The following TDRD5 variants were observed in gnomAD, a reference collection of about 807,000 sequenced individuals.
TDRD5 encodes the protein tudor domain-containing protein 5.
In TDRD5, 41 loss-of-function variants were observed where a neutral mutation model predicts 120.6. The ratio of observed to expected loss-of-function variants is 0.34; its 90% CI spans 0.26 to 0.44. TDRD5 has a LOEUF of 0.44. Among genes scored for constraint, TDRD5 ranks in the 20% least tolerant of loss-of-function variants. The pLI, the probability that TDRD5 is intolerant of heterozygous loss-of-function variation, is 1.00. For missense variants in TDRD5, 1,006 were observed against 1,221.2 expected (o/e 0.82, Z 2.63); for synonymous variants, 430 against 433.7 (o/e 0.99, Z 0.11).
In TDRD5 at chr1:179,668,351, TCTGA is replaced by T. The variant is rs575442882; in HGVS notation, c.2650-839_2650-836del. On this transcript the variant is annotated intron_variant, in intron 16 of 17. Coordinates refer to ENST00000444136, the MANE Select transcript of TDRD5 (RefSeq NM_001199085.3). ...GTGCCCCTTAGGGACAGGGATCCTG[TCTGA>T]CTGGGAGGTGGTGTGGTAGAGCACA... 1.4e-4 allele frequency among the ~76,000 whole-genome samples: 22 copies of T among 152,304 alleles called. No homozygotes were observed. In the South Asian group the frequency reaches 3.3e-3, roughly 23 times the overall value.
chr1:179,657,229 G>A (rs1679054065), intron 14 of TDRD5, among the ~76,000 whole-genome samples: 1 of 152,138 alleles, frequency 6.6e-6, no homozygotes, highest in Non-Finnish European at 1.5e-5. Context: ...GAGGAAAGTT[G>A]ATGCTTTAGT....
intron 16 of TDRD5, among the ~76,000 whole-genome samples, chr1:179,663,900 A>G (rs1679438705): frequency 6.6e-6 from 1 of 152,322 alleles, no homozygotes; most frequent in South Asian, 2.1e-4. Context: ...CGCATAGTCT[A>G]GACTGGTTTC....
At chr1:179,598,220 A>G (rs529365816) in intron 4 of TDRD5, among the ~76,000 whole-genome samples, 1 of 152,332 alleles carries the variant, frequency 6.6e-6, no homozygotes, top group South Asian at 2.1e-4. Flanking sequence ...ACAGTATTAT[A>G]ATCTTGTGGG....
At chr1:179,622,604 T>A (rs551655798) in intron 6 of TDRD5, among the ~76,000 whole-genome samples, 5 of 152,132 alleles carry the variant, frequency 3.3e-5, no homozygotes, top group Non-Finnish European at 7.4e-5. Flanking sequence ...AAAAACCAAG[T>A]TATTTTCATA....
intron 16 of TDRD5, among the ~76,000 whole-genome samples, chr1:179,665,156 C>T (rs1297404902): frequency 6.6e-6 from 1 of 152,128 alleles, no homozygotes; most frequent in Admixed American, 6.5e-5. Context: ...TATCATATTA[C>T]AAGTCCCTTA....
At chr1:179,653,344 T>C (rs918498987) in intron 13 of TDRD5, among the ~76,000 whole-genome samples, 17 of 152,286 alleles carry the variant, frequency 1.1e-4, no homozygotes, top group Non-Finnish European at 2.2e-4. Context: ...TAAGTAGACA[T>C]TTACTAATTA....
At chr1:179,660,976 C>T (rs1048689030) in intron 14 of TDRD5, among the ~76,000 whole-genome samples, 6 of 152,162 alleles carry the variant, frequency 3.9e-5, no homozygotes, top group Non-Finnish European at 8.8e-5. Context: ...CATTTCTTCT[C>T]TTTTAGCACT....
intron 11 of TDRD5, among the ~76,000 whole-genome samples, chr1:179,641,207 T>C (rs551359808): frequency 6.6e-6 from 1 of 152,116 alleles, no homozygotes; most frequent in Non-Finnish European, 1.5e-5. Flanking sequence ...CACATATAAA[T>C]GGATTATTTT....
intron 4 of TDRD5, among the ~76,000 whole-genome samples, chr1:179,611,113 A>G (rs146303023): frequency 2.3e-3 from 355 of 151,726 alleles, no homozygotes; most frequent in Non-Finnish European, 4.0e-3. Flanking sequence ...ACTGGAATGC[A>G]GTGGTGTGAT....
chr1:179,616,542 A>C (rs1027612598), intron 4 of TDRD5, among the ~76,000 whole-genome samples: 1 of 152,176 alleles, frequency 6.6e-6, no homozygotes, highest in African/African-American at 2.4e-5. Context: ...TCCCTTGCTA[A>C]AAATCTCTAG....
At chr1:179,647,503 A>G (rs1231943623) in intron 11 of TDRD5, among the ~76,000 whole-genome samples, 1 of 151,976 alleles carries the variant, frequency 6.6e-6, no homozygotes, top group African/African-American at 2.4e-5. Flanking sequence ...AAACCCTACA[A>G]GAAAACCTAG....
intron 6 of TDRD5, among the ~76,000 whole-genome samples, chr1:179,626,237 G>A (rs200618178): frequency 9.4e-6 from 1 of 106,208 alleles, no homozygotes; most frequent in Non-Finnish European, 2.4e-5. Context: ...AGAAAAAAAA[G>A]AAGTAAACAG....
chr1:179,672,072 C>T (rs1335442676), intron 17 of TDRD5, among the ~76,000 whole-genome samples: 4 of 151,372 alleles, frequency 2.6e-5, no homozygotes, highest in African/African-American at 9.7e-5. Flanking sequence ...AATTGTGCTG[C>T]TATAAATGTG....
At chr1:179,620,802 G>A (rs1676799213) in intron 5 of TDRD5, among the ~76,000 whole-genome samples, 1 of 151,974 alleles carries the variant, frequency 6.6e-6, no homozygotes, top group Non-Finnish European at 1.5e-5. Context: ...TGGTATTGCA[G>A]TAGCATGTAA....
chr1:179,614,937 T>C (rs1039802554), intron 4 of TDRD5, among the ~76,000 whole-genome samples: 52 of 152,288 alleles, frequency 3.4e-4, no homozygotes, highest in Non-Finnish European at 6.9e-4. Flanking sequence ...CACAATATAT[T>C]GTTAAGTGTA....
intron 14 of TDRD5, among the ~76,000 whole-genome samples, chr1:179,655,580 C>T (rs1372416771): frequency 1.3e-5 from 2 of 152,120 alleles, no homozygotes; most frequent in African/African-American, 2.4e-5. Context: ...AAAATAACTC[C>T]CTTGTGCTAC....
chr1:179,668,234 C>A (rs1048409034), intron 16 of TDRD5, among the ~76,000 whole-genome samples: 1 of 152,178 alleles, frequency 6.6e-6, no homozygotes, highest in African/African-American at 2.4e-5. Flanking sequence ...TTCTCTCAAA[C>A]CCTGGCCTTT....
chr1:179,612,875 G>A (rs1361859708), intron 4 of TDRD5, among the ~76,000 whole-genome samples: 1 of 149,654 alleles, frequency 6.7e-6, no homozygotes, highest in Non-Finnish European at 1.5e-5. Flanking sequence ...GGCAGAGGTT[G>A]CAGTGAGCCG....
At position 179,630,750 on chromosome 1, in the gene TDRD5, C is replaced by G. The variant is rs759286636; in HGVS notation, c.973-17C>G. ...TATCTAATGCTGTTTCATGTAATTTCTATTTTCTTGTGACAGGTAATTTTT... is the reference window on the plus strand; with the variant it reads ...TATCTAATGCTGTTTCATGTAATTTGTATTTTCTTGTGACAGGTAATTTTT... On this transcript the variant is annotated splice_polypyrimidine_tract_variant and intron_variant, in intron 6 of 17. Transcript: ENST00000444136. 1 of 1,610,486 alleles carries G rather than the reference C, an allele frequency of 6.2e-7. No individual in the cohort carries two copies. The highest frequency in any genetic ancestry group is 2.2e-5 in the East Asian group (1 of 44,794).
Sources: gnomAD v4.1 joint callset for allele counts (sites outside exome capture counted in the v4.1 genomes callset) on GRCh38, gnomAD v4.1.1 for gene constraint, MANE v1.5 for transcripts, NCBI Gene and HGNC (gene_info 2026-07-23, HGNC 2026-07-21) for gene names.